Variants in CALN1 observed in about 807,000 individuals in gnomAD.
CALN1 encodes calneuron 1, also known as calcium-binding protein 8.
Under a neutral mutation model 30.6 loss-of-function variants are expected in CALN1, and 17 were observed. The observed-to-expected ratio is 0.56, with a 90% CI of 0.38 to 0.83. The LOEUF is 0.83. Ranked by LOEUF, CALN1 falls within the 40% of genes least tolerant of loss-of-function variation. The pLI, the probability that CALN1 is intolerant of heterozygous loss-of-function variation, is 0.00. For missense variants in CALN1, 291 were observed against 354.9 expected (o/e 0.82, Z 1.45); for synonymous variants, 156 against 131.4 (o/e 1.19, Z -1.28).
chr7:71,798,085 G>T (rs1234041510), intron 6 of CALN1, among the ~76,000 whole-genome samples: 1 of 119,086 alleles, frequency 8.4e-6, no homozygotes, highest in African/African-American at 3.9e-5. Flanking sequence ...GAGACAGAGA[G>T]AGACAGAGAG....
intron 5 of CALN1, among the ~76,000 whole-genome samples, chr7:71,837,109 G>A (rs972221000): frequency 6.6e-6 from 1 of 151,406 alleles, no homozygotes; most frequent in African/African-American, 2.4e-5. Flanking sequence ...GCACGGGCCT[G>A]TAATCCCAGC....
At chr7:71,788,183 GATAGA>G (rs1311080624) in intron 6 of CALN1, among the ~76,000 whole-genome samples, 3 of 152,180 alleles carry the variant, frequency 2.0e-5, no homozygotes, top group African/African-American at 7.2e-5. Context: ...TAAATTTTCT[GATAGA>G]ATAGAGCCAG....
At chr7:72,197,176 TGC>T (rs149425386) in intron 3 of CALN1, among the ~76,000 whole-genome samples, 29 of 130,832 alleles carry the variant, frequency 2.2e-4, no homozygotes, top group African/African-American at 7.5e-4. Context: ...ATGGAAGGTT[TGC>T]TTTTTTTTTT....
intron 5 of CALN1, among the ~76,000 whole-genome samples, chr7:71,835,454 C>T (rs1246321027): frequency 1.3e-5 from 2 of 152,172 alleles, no homozygotes; most frequent in Non-Finnish European, 2.9e-5. Flanking sequence ...AAACCGTAGC[C>T]TCTCCCTTTT....
chr7:72,060,575 T>G (rs1394834841), intron 4 of CALN1, among the ~76,000 whole-genome samples: 1 of 152,140 alleles, frequency 6.6e-6, no homozygotes, highest in African/African-American at 2.4e-5. Flanking sequence ...GGAAAACATG[T>G]GAGATGGTTT....
chr7:72,247,205 T>C (rs1391166747), intron 3 of CALN1, among the ~76,000 whole-genome samples: 1 of 148,146 alleles, frequency 6.8e-6, no homozygotes, highest in East Asian at 2.0e-4. Context: ...CTGGCAAGGG[T>C]TTTCAACAGA....
At chr7:72,495,463 C>A in the CALN1 span, among the ~76,000 whole-genome samples, 1 of 152,218 alleles carries the variant, frequency 6.6e-6, no homozygotes, top group African/African-American at 2.4e-5. Context: ...ACTGTGCTAG[C>A]TGCTAGGGAC....
chr7:71,840,651 T>C (rs1337787283), intron 5 of CALN1, among the ~76,000 whole-genome samples: 1 of 152,060 alleles, frequency 6.6e-6, no homozygotes, highest in Non-Finnish European at 1.5e-5. Context: ...TCTTAGGCAT[T>C]GATTGAACCG....
chr7:72,143,638 C>T (rs1458815590), intron 3 of CALN1, among the ~76,000 whole-genome samples: 1 of 152,140 alleles, frequency 6.6e-6, no homozygotes, highest in Non-Finnish European at 1.5e-5. Flanking sequence ...TACAAAGATA[C>T]TCCTCGAGAA....
chr7:72,210,746 G>A (rs533960698), intron 3 of CALN1, among the ~76,000 whole-genome samples: 2 of 152,128 alleles, frequency 1.3e-5, no homozygotes, highest in South Asian at 2.1e-4. Flanking sequence ...CCCTTGACAC[G>A]TCATGATTAT....
At chr7:72,214,926 C>A (rs1792668953) in intron 3 of CALN1, among the ~76,000 whole-genome samples, 1 of 151,590 alleles carries the variant, frequency 6.6e-6, no homozygotes. Context: ...CCCATCACTC[C>A]CAGATAGGAC....
intron 3 of CALN1, among the ~76,000 whole-genome samples, chr7:72,109,179 A>G (rs1035334314): frequency 3.9e-5 from 6 of 152,302 alleles, no homozygotes; most frequent in East Asian, 3.9e-4. Context: ...TTCATTATCA[A>G]TACTAATCCA....
chr7:72,317,664 C>A (rs1025707964), intron 2 of CALN1, among the ~76,000 whole-genome samples: 69 of 152,040 alleles, frequency 4.5e-4, no homozygotes, highest in South Asian at 1.7e-3. Flanking sequence ...CCTAGGAAGT[C>A]CCCCCCAGAC....
intron 3 of CALN1, among the ~76,000 whole-genome samples, chr7:72,214,361 T>A (rs1420156303): frequency 6.6e-6 from 1 of 151,938 alleles, no homozygotes; most frequent in East Asian, 1.9e-4. Context: ...ACGCCTGTAG[T>A]CCTAGCTACT....
In CALN1 at chr7:71,944,099, G is replaced by A. The variant is rs544161792; in HGVS notation, c.501+79558C>T. 7.1e-4 allele frequency among the ~76,000 whole-genome samples: 108 copies of A among 152,160 alleles called. 2 individuals carry two copies. The South Asian group carries it at 0.011, about 15-fold the overall frequency. On this transcript the variant is annotated intron_variant, in intron 5 of 6. Coordinates refer to ENST00000395275, the MANE Select transcript of CALN1 (RefSeq NM_031468.4). ...AGTCACTGTTGAGCAGTGAGCTTTC[G>A]CCATCTTCCTTCTGAGAAGGAGCTC...
chr7:71,947,891 T>C (rs528955089), intron 5 of CALN1, among the ~76,000 whole-genome samples: 2 of 150,106 alleles, frequency 1.3e-5, no homozygotes, highest in Non-Finnish European at 1.5e-5. Flanking sequence ...AGTGAGCTAG[T>C]TGCACTGCAC....
At chr7:71,869,435 C>T (rs886249581) in intron 5 of CALN1, among the ~76,000 whole-genome samples, 13 of 152,178 alleles carry the variant, frequency 8.5e-5, no homozygotes, top group Admixed American at 7.9e-4. Context: ...TGGTCTCGAA[C>T]TCCTGACCTC....
chr7:72,115,030 A>G (rs1807868189), intron 3 of CALN1, among the ~76,000 whole-genome samples: 1 of 151,302 alleles, frequency 6.6e-6, no homozygotes, highest in Non-Finnish European at 1.5e-5. Context: ...TCCCATTTTT[A>G]GTAATGTGGG....
intron 5 of CALN1, among the ~76,000 whole-genome samples, chr7:71,929,037 G>A (rs746613753): frequency 6.6e-6 from 1 of 151,744 alleles, no homozygotes; most frequent in Non-Finnish European, 1.5e-5. Flanking sequence ...TATATGATAT[G>A]TGACCTTTTG....
Sources: allele counts gnomAD v4.1 joint callset (sites outside exome capture counted in the v4.1 genomes callset), GRCh38; gene constraint gnomAD v4.1.1; transcripts MANE v1.5; gene names NCBI Gene and HGNC (gene_info 2026-07-23, HGNC 2026-07-21).